Variants in ATRNL1 observed in about 807,000 individuals in gnomAD.
ATRNL1 encodes attractin-like protein 1.
In ATRNL1, 95 loss-of-function variants were observed where a neutral mutation model predicts 182.7. The ratio of observed to expected loss-of-function variants is 0.52; its 90% CI spans 0.44 to 0.62. The LOEUF (loss-of-function observed/expected upper bound fraction) is 0.62, where lower values mean the gene tolerates loss of function less well. ATRNL1 is among the 20% of genes least tolerant of loss of function. The pLI, the probability that ATRNL1 is intolerant of heterozygous loss-of-function variation, is 0.00. For synonymous variants in ATRNL1, 576 were observed against 568.3 expected (o/e 1.01, Z -0.19); for missense variants, 1,471 against 1,679.5 (o/e 0.88, Z 2.17).
intron 27 of ATRNL1, among the ~76,000 whole-genome samples, chr10:115,818,576 A>G (rs1950221453): frequency 1.3e-5 from 2 of 152,134 alleles, no homozygotes; most frequent in Non-Finnish European, 2.9e-5. Flanking sequence ...AGAAAAGGTT[A>G]TTTTCTAGAA....
At chr10:115,432,427 T>C (rs567641525) in intron 21 of ATRNL1, among the ~76,000 whole-genome samples, 6 of 152,180 alleles carry the variant, frequency 3.9e-5, no homozygotes, top group Admixed American at 2.6e-4. Context: ...CTGTGAGACG[T>C]TTAAAGCTTA....
At chr10:115,185,071 G>A (rs558369072) in intron 8 of ATRNL1, among the ~76,000 whole-genome samples, 31 of 152,058 alleles carry the variant, frequency 2.0e-4, no homozygotes, top group African/African-American at 7.5e-4. Context: ...GGGAGTCAAG[G>A]AAGAATCCTG....
intron 21 of ATRNL1, among the ~76,000 whole-genome samples, chr10:115,458,334 A>G (rs2134515239): frequency 6.6e-6 from 1 of 152,278 alleles, no homozygotes. Flanking sequence ...CATTCTAAGC[A>G]GCTTTAAAAG....
At chr10:115,579,405 T>C (rs1483318309) in intron 26 of ATRNL1, among the ~76,000 whole-genome samples, 2 of 151,852 alleles carry the variant, frequency 1.3e-5, no homozygotes, top group Non-Finnish European at 3.0e-5. Flanking sequence ...TTATGTCGTC[T>C]TGATAGAATA....
intron 9 of ATRNL1, among the ~76,000 whole-genome samples, chr10:115,221,097 G>A (rs1219841553): frequency 6.6e-6 from 1 of 152,152 alleles, no homozygotes; most frequent in Non-Finnish European, 1.5e-5. Flanking sequence ...TTACAATAGG[G>A]TTTGCACTCC....
intron 24 of ATRNL1, among the ~76,000 whole-genome samples, chr10:115,478,854 A>G (rs1198466216): frequency 6.6e-6 from 1 of 151,692 alleles, no homozygotes; most frequent in Non-Finnish European, 1.5e-5. Context: ...ATATTTTATT[A>G]CAATTTATGT....
intron 26 of ATRNL1, among the ~76,000 whole-genome samples, chr10:115,616,888 C>T (rs915807406): frequency 6.6e-6 from 1 of 152,214 alleles, no homozygotes; most frequent in African/African-American, 2.4e-5. Flanking sequence ...TTAGAGCCCT[C>T]ATGTAGAAAC....
intron 28 of ATRNL1, among the ~76,000 whole-genome samples, chr10:115,850,095 C>G (rs1429856211): frequency 6.6e-6 from 1 of 152,044 alleles, no homozygotes. Flanking sequence ...GACAGTGGTT[C>G]TACTCTTTAA....
intron 8 of ATRNL1, among the ~76,000 whole-genome samples, chr10:115,173,297 T>C (rs1213346047): frequency 2.0e-5 from 3 of 151,980 alleles, no homozygotes; most frequent in African/African-American, 7.2e-5. Flanking sequence ...TTTTCTTTTC[T>C]GATTTTGTTA....
rs116465792 is a variant in ATRNL1, at chr10:115,426,201, C to T, written c.3270-49C>T. On this transcript the variant is annotated intron_variant, in intron 20 of 28. Coordinates refer to ENST00000355044, the MANE Select transcript of ATRNL1 (RefSeq NM_207303.4). ...TTTTTGCTTGAAGAAAAACATGAGG[C>T]TTTTGAATTGCATTGTTTAATAGTA... The T allele has an allele frequency of 2.4e-3, 3,510 of 1,477,498 alleles. 59 individuals carry two copies. In the African/African-American group the frequency reaches 0.041, roughly 17 times the overall value. 91.5% of individuals were successfully genotyped at this position (1,477,498 alleles called of 1,614,324 possible). A position where few individuals can be genotyped will look rare whatever the true frequency, so the allele number is the denominator to read the frequency against.
At chr10:115,191,221 T>A (rs1554889773) in intron 8 of ATRNL1, among the ~76,000 whole-genome samples, 1 of 152,118 alleles carries the variant, frequency 6.6e-6, no homozygotes, top group Non-Finnish European at 1.5e-5. Flanking sequence ...TTCTTTCTTT[T>A]GGATATATGT....
intron 5 of ATRNL1, among the ~76,000 whole-genome samples, chr10:115,134,682 T>G (rs1225565256): frequency 5.3e-5 from 8 of 152,228 alleles, no homozygotes; most frequent in African/African-American, 1.9e-4. Flanking sequence ...CTAACTCATT[T>G]TATGAGGCCA....
intron 8 of ATRNL1, among the ~76,000 whole-genome samples, chr10:115,182,037 A>G (rs1847768147): frequency 1.3e-5 from 2 of 151,612 alleles, no homozygotes; most frequent in Admixed American, 1.3e-4. Flanking sequence ...ATCCTAAATG[A>G]ATTTTTTCAA....
At chr10:115,217,212 C>T (rs1461986273) in intron 9 of ATRNL1, among the ~76,000 whole-genome samples, 1 of 152,174 alleles carries the variant, frequency 6.6e-6, no homozygotes, top group Non-Finnish European at 1.5e-5. Flanking sequence ...CCTCAGCATC[C>T]TGAGTAGCTG....
At chr10:115,868,822 CTTTTTTTTTTTTTTTT>C (rs67676674) in intron 28 of ATRNL1, among the ~76,000 whole-genome samples, 2 of 58,084 alleles carry the variant, frequency 3.4e-5, no homozygotes, top group Admixed American at 2.7e-4. Flanking sequence ...AGTCTTTATT[CTTTTTTTTTTTTTTTT>C]TTTTTTTTTG....
chr10:115,700,178 G>T (rs1946687511), intron 26 of ATRNL1, among the ~76,000 whole-genome samples: 1 of 151,814 alleles, frequency 6.6e-6, no homozygotes, highest in African/African-American at 2.4e-5. Flanking sequence ...TTGGTTAAAT[G>T]ATTTATTTCT....
At chr10:115,242,630 A>G (rs1448536020) in intron 10 of ATRNL1, among the ~76,000 whole-genome samples, 1 of 152,032 alleles carries the variant, frequency 6.6e-6, no homozygotes, top group Non-Finnish European at 1.5e-5. Context: ...TAAACCTCAT[A>G]AAGGCACATA....
rs781973393 is a variant in ATRNL1 at position 115,129,549 on chromosome 10, G to T, written c.829+14G>T. On this transcript the variant is annotated intron_variant, in intron 5 of 28. Coordinates refer to ENST00000355044, the MANE Select transcript of ATRNL1 (RefSeq NM_207303.4). Reference sequence around the variant, plus strand: ...ATAGTTGGCAAGGTAAGCATGTGTGGTGTGATGGCTTTTGAAACATTGATT... The same window carrying T: ...ATAGTTGGCAAGGTAAGCATGTGTGTTGTGATGGCTTTTGAAACATTGATT... 15 of 1,605,652 alleles carry T rather than the reference G, an allele frequency of 9.3e-6. No individual in the cohort carries two copies. In the South Asian group the frequency reaches 1.2e-4, roughly 13 times the overall value.
At chr10:115,219,717 A>C (rs1257216969) in intron 9 of ATRNL1, among the ~76,000 whole-genome samples, 1 of 152,156 alleles carries the variant, frequency 6.6e-6, no homozygotes, top group African/African-American at 2.4e-5. Flanking sequence ...AGCCTGGCTA[A>C]CATGGTGAAA....
Sources: gnomAD v4.1 joint callset for allele counts (sites outside exome capture counted in the v4.1 genomes callset) on GRCh38, gnomAD v4.1.1 for gene constraint, MANE v1.5 for transcripts, NCBI Gene and HGNC (gene_info 2026-07-23, HGNC 2026-07-21) for gene names.